Variants in CAPN7 observed in about 807,000 individuals in gnomAD.
CAPN7 encodes the protein calpain-7.
A neutral mutation model predicts 115.2 loss-of-function variants in CAPN7; 72 were observed. The ratio of observed to expected loss-of-function variants is 0.63; its 90% CI spans 0.52 to 0.76. CAPN7 has a LOEUF of 0.76. Ranked by LOEUF, CAPN7 falls within the 30% of genes least tolerant of loss-of-function variation. The pLI is 0.00. For synonymous variants in CAPN7, 344 were observed against 322.3 expected (o/e 1.07, Z -0.72); for missense variants, 905 against 971.5 (o/e 0.93, Z 0.91).
chr3:15,234,950 T>C, intron 11 of CAPN7, 75 bp from the exon 12 acceptor site: 1 of 1,391,524 alleles, frequency 7.2e-7, no homozygotes, highest in Non-Finnish European at 9.8e-7. Flanking sequence ...GCCATTAGAC[T>C]AAAAGATAAA....
In CAPN7 at chr3:15,230,474, C is replaced by G. The variant is rs1216624860; in HGVS notation, c.971C>G (p.Pro324Arg). 2 of 1,612,580 alleles carry G rather than the reference C, an allele frequency of 1.2e-6. No individual in the cohort carries two copies. The highest frequency in any genetic ancestry group is 2.7e-5 in the African/African-American group (2 of 74,990). Residue 324 changes from proline to arginine, a missense_variant, in exon 9 of 21, where the codon CCA (proline) becomes CGA (arginine). Physicochemically the swap from Pro to Arg is moderately radical, Grantham distance 103 (BLOSUM62 -2). Coordinates refer to ENST00000253693, the MANE Select transcript of CAPN7 (RefSeq NM_014296.3). Reference sequence around the variant, plus strand: ...TACCCTCAAAACAAGGATGGTGAACCAGAATACAATCCATGTGGGAAGTAT... The same window carrying G: ...TACCCTCAAAACAAGGATGGTGAACGAGAATACAATCCATGTGGGAAGTAT... ...IIYPQNKDGE[P>R]EYNPCGKYMV...
chr3:15,217,593 C>G lies in CAPN7; in HGVS notation c.369+11C>G, dbSNP rs1276764371. ...CTCTGTCTGAAAACAGTGTGTATAGCTACAAATTACGTTTGATGAGTTATG... is the reference window on the plus strand; with the variant it reads ...CTCTGTCTGAAAACAGTGTGTATAGGTACAAATTACGTTTGATGAGTTATG... On this transcript the variant is annotated intron_variant, in intron 3 of 20. Transcript: ENST00000253693. 4 of 1,597,348 alleles carry G rather than the reference C, an allele frequency of 2.5e-6. No homozygotes were observed. The highest frequency in any genetic ancestry group is 3.4e-6 in the Non-Finnish European group (4 of 1,171,852).
At chr3:15,231,722 G>A (rs1390880366) in intron 9 of CAPN7, among the ~76,000 whole-genome samples, 2 of 152,016 alleles carry the variant, frequency 1.3e-5, no homozygotes, top group Non-Finnish European at 1.5e-5. Flanking sequence ...TGGAGACAGA[G>A]TTTCACCGTG....
intron 1 of CAPN7, among the ~76,000 whole-genome samples, chr3:15,207,733 C>T (rs1306639021): frequency 6.6e-6 from 1 of 151,884 alleles, no homozygotes; most frequent in Middle Eastern, 3.2e-3. Context: ...TGTCTTCCAC[C>T]TCCAATCTTG....
intron 2 of CAPN7, among the ~76,000 whole-genome samples, chr3:15,215,748 A>T (rs2045214128): frequency 6.6e-6 from 1 of 151,624 alleles, no homozygotes; most frequent in African/African-American, 2.4e-5. Flanking sequence ...GTTTTTGGAG[A>T]CATTTGGGTT....
chr3:15,245,142 G>C (rs1290835594), intron 16 of CAPN7, among the ~76,000 whole-genome samples: 1 of 150,840 alleles, frequency 6.6e-6, no homozygotes, highest in African/African-American at 2.4e-5. Context: ...TTAAACCTGA[G>C]TGGTGGGGAA....
intron 16 of CAPN7, 112 bp from the exon 17 acceptor site, chr3:15,245,414 G>A: frequency 1.1e-6 from 1 of 913,672 alleles, no homozygotes; most frequent in South Asian, 1.9e-5. Flanking sequence ...TATATTTTAA[G>A]GAGAGAATCA....
chr3:15,246,645 T>A, intron 17 of CAPN7, 87 bp from the exon 18 acceptor site: 2 of 969,654 alleles, frequency 2.1e-6, no homozygotes, highest in Non-Finnish European at 3.2e-6. Context: ...TGCCAACTGA[T>A]TTTTTTAGTC....
intron 6 of CAPN7, among the ~76,000 whole-genome samples, chr3:15,224,412 G>A (rs375097338): frequency 7.2e-5 from 11 of 151,812 alleles, no homozygotes; most frequent in Non-Finnish European, 1.0e-4. Context: ...AGCTGGGACC[G>A]CAGGCATGCA....
At chr3:15,247,252 GAT>G in intron 18 of CAPN7, 73 bp from the exon 19 acceptor site, 1 of 948,128 alleles carries the variant, frequency 1.1e-6, no homozygotes, top group Non-Finnish European at 1.5e-6. Context: ...TTTTTTTTGA[GAT>G]GGAAAGGAGT....
intron 16 of CAPN7, among the ~76,000 whole-genome samples, chr3:15,242,638 A>T (rs1425930053): frequency 6.6e-6 from 1 of 152,052 alleles, no homozygotes; most frequent in Non-Finnish European, 1.5e-5. Context: ...CCTTTATTTC[A>T]TGCCCCAGCT....
intron 19 of CAPN7, among the ~76,000 whole-genome samples, chr3:15,247,747 G>A (rs1695752863): frequency 6.6e-6 from 1 of 151,596 alleles, no homozygotes; most frequent in Admixed American, 6.5e-5. Context: ...TGCAGGAAAT[G>A]TTTTAACCTC....
intron 12 of CAPN7, among the ~76,000 whole-genome samples, chr3:15,237,855 T>G (rs1695086709): frequency 6.6e-6 from 1 of 151,972 alleles, no homozygotes; most frequent in African/African-American, 2.4e-5. Context: ...CACGTGCCTG[T>G]AGTCCCAGCT....
intron 2 of CAPN7, among the ~76,000 whole-genome samples, chr3:15,216,614 G>GAAATA: frequency 6.6e-6 from 1 of 152,170 alleles, no homozygotes; most frequent in Admixed American, 6.5e-5. Context: ...TCTAGGCTCA[G>GAAATA]GGTAAATAGA....
rs1354839122 is a variant in CAPN7, at chr3:15,206,308, G to A, written c.-188G>A. ...GGCTACAAGCCGGGTCTGGGCTGAG[G>A]GGCGCGGCTTCGCGGTGGACCCCAG... is the stretch of plus-strand genomic sequence containing the variant. On this transcript the variant is annotated 5_prime_UTR_variant, in exon 1 of 21. Transcript: ENST00000253693. 17 of 527,068 alleles carry A rather than the reference G, an allele frequency of 3.2e-5. No individual in the cohort carries two copies. In the East Asian group the frequency reaches 5.8e-4, roughly 18 times the overall value. 32.6% of individuals were successfully genotyped at this position (527,068 alleles called of 1,614,324 possible).
intron 9 of CAPN7, chr3:15,232,146 C>A: frequency 2.5e-6 from 1 of 403,764 alleles, no homozygotes; most frequent in Non-Finnish European, 4.8e-6. Flanking sequence ...ATCTGAAAAT[C>A]CAAAACACTC....
intron 6 of CAPN7, among the ~76,000 whole-genome samples, chr3:15,224,048 G>A (rs1173112635): frequency 5.9e-5 from 9 of 152,124 alleles, no homozygotes. Flanking sequence ...TGTAGTCATC[G>A]TAAGGAAATC....
chr3:15,217,703 A>G (rs1400670612), intron 3 of CAPN7, 121 bp downstream of exon 3: 1 of 709,372 alleles, frequency 1.4e-6, no homozygotes, highest in African/African-American at 1.8e-5. Context: ...ATTATTTTAA[A>G]TGTAACAACT....
Position 15,245,526 on chromosome 3 carries a change from C to G in CAPN7, c.1865C>G (p.Ala622Gly), listed in dbSNP as rs1695607340. The G allele has an allele frequency of 1.9e-6, 3 of 1,611,194 alleles. No homozygotes were observed. Among genetic ancestry groups the G allele is most frequent in the Non-Finnish European group, 2.5e-6 (3 of 1,178,976 alleles). ...KTDGKKVYYP[A>G]DPPPYIDGIR... is the part of the protein sequence containing the mutation. ...TCTAAGCCTACTTGTTTGTTTGCAGCTGACCCACCTCCATACATTGATGGA... is the reference window on the plus strand; with the variant it reads ...TCTAAGCCTACTTGTTTGTTTGCAGGTGACCCACCTCCATACATTGATGGA... The change falls in exon 17 of 21, where the codon GCT becomes GGT. Residue 622 changes from alanine to glycine, a missense_variant and splice_region_variant. By Grantham distance (60) the Ala-to-Gly change is moderately conservative. Transcript: ENST00000253693.
Sources: allele counts gnomAD v4.1 joint callset (sites outside exome capture counted in the v4.1 genomes callset), GRCh38; gene constraint gnomAD v4.1.1; transcripts MANE v1.5; gene names NCBI Gene and HGNC (gene_info 2026-07-23, HGNC 2026-07-21).